The following ATP6V0D2 variants were observed in gnomAD, a reference collection of about 807,000 sequenced individuals.
ATP6V0D2 encodes V-type proton ATPase subunit d 2.
Under a neutral mutation model 40.0 loss-of-function variants are expected in ATP6V0D2, and 40 were observed. That is an observed-to-expected ratio of 1.00 (90% CI 0.78 to 1.30). The LOEUF (loss-of-function observed/expected upper bound fraction) is 1.30, where lower values mean the gene tolerates loss of function less well. ATP6V0D2 is among the 50% of genes most tolerant of loss of function. ATP6V0D2 has a pLI of 0.00. For synonymous variants in ATP6V0D2, 179 were observed against 156.3 expected (o/e 1.15, Z -1.08); for missense variants, 470 against 423.1 (o/e 1.11, Z -0.97).
chr8:86,145,181 A>AAAGAAAGAAAGAAAG (rs1819031651), intron 5 of ATP6V0D2, among the ~76,000 whole-genome samples: 3 of 13,206 alleles, frequency 2.3e-4, no homozygotes, highest in African/African-American at 6.2e-4. Flanking sequence ...AGAGAAAGAG[A>AAAGAAAGAAAGAAAG]GAAAGAAAGA....
chr8:86,108,164 C>A (rs4960954), intron 1 of ATP6V0D2, among the ~76,000 whole-genome samples: 69,396 of 151,966 alleles, frequency 0.46, 16,044 homozygotes, highest in East Asian at 0.5. Context: ...TTTTTTGAGA[C>A]AGGATCTCAC....
intron 5 of ATP6V0D2, among the ~76,000 whole-genome samples, chr8:86,145,171 A>G (rs1819030434): frequency 1.6e-5 from 1 of 60,730 alleles, no homozygotes; most frequent in Non-Finnish European, 3.8e-5. Context: ...AGAAAGAAAG[A>G]GAGAAAGAGA....
intron 2 of ATP6V0D2, among the ~76,000 whole-genome samples, chr8:86,119,098 C>T (rs1818633495): frequency 1.3e-5 from 2 of 152,074 alleles, no homozygotes; most frequent in African/African-American, 2.4e-5. Context: ...GATTGGGAAA[C>T]AAATCTCATA....
rs866743429 is a variant in ATP6V0D2, at chr8:86,119,793, G to A, written c.302+5913G>A. 2.6e-5 allele frequency among the ~76,000 whole-genome samples: 4 copies of A among 152,226 alleles called. 1 individual carries two copies. Among genetic ancestry groups the A allele is most frequent in the Non-Finnish European group, 2.9e-5 (2 of 68,008 alleles). ...TGGTAGTATCAGTATTGTTACTAAA[G>A]GATATATTTTAATTTATCTACTCTT... On this transcript the variant is annotated intron_variant, in intron 2 of 7. Transcript: ENST00000285393.
At position 86,152,844 on chromosome 8, in the gene ATP6V0D2, G is replaced by A; in HGVS notation, c.920G>A (p.Arg307Lys). 6.2e-7 allele frequency: 1 copy of A among 1,601,676 alleles called. No homozygotes were observed. Residue 307 changes from arginine to lysine, a missense_variant, in exon 8 of 8, where the codon AGA (arginine) becomes AAA (lysine). By Grantham distance (26) the Arg-to-Lys change is conservative (BLOSUM62 2). Transcript: ENST00000285393. Reference sequence around the variant, plus strand: ...CAAATGAATGTGCTGGCATTCAACAGACAGTTCCACTACGGTGTGTTTTAT... The same window carrying A: ...CAAATGAATGTGCTGGCATTCAACAAACAGTTCCACTACGGTGTGTTTTAT... ...EVQMNVLAFN[R>K]QFHYGVFYAY...
chr8:86,130,682 A>C (rs1458937555), intron 2 of ATP6V0D2, among the ~76,000 whole-genome samples: 2 of 152,002 alleles, frequency 1.3e-5, no homozygotes, highest in African/African-American at 4.8e-5. Flanking sequence ...CTCATCAAAT[A>C]CCATTGCAAA....
intron 2 of ATP6V0D2, among the ~76,000 whole-genome samples, chr8:86,134,768 A>C (rs1016275064): frequency 6.6e-6 from 1 of 152,172 alleles, no homozygotes; most frequent in African/African-American, 2.4e-5. Context: ...CTAGAAAAAA[A>C]CCACAAATGT....
intron 5 of ATP6V0D2, among the ~76,000 whole-genome samples, chr8:86,143,926 G>A (rs1201135740): frequency 3.3e-5 from 5 of 152,064 alleles, no homozygotes; most frequent in Admixed American, 6.6e-5. Context: ...GGCATCAAAA[G>A]TCCACTATAG....
intron 5 of ATP6V0D2, among the ~76,000 whole-genome samples, chr8:86,144,626 A>G (rs1819022031): frequency 6.6e-6 from 1 of 152,172 alleles, no homozygotes; most frequent in African/African-American, 2.4e-5. Context: ...AAAGTTTTAT[A>G]GTTGAAGATA....
chr8:86,146,348 A>G (rs11781321), intron 5 of ATP6V0D2, among the ~76,000 whole-genome samples: 36,917 of 152,098 alleles, frequency 0.24, 5,964 homozygotes, highest in African/African-American at 0.46. Context: ...TACTTTTCCA[A>G]TCTTCATGGT....
At chr8:86,119,913 TA>T (rs1818646760) in intron 2 of ATP6V0D2, among the ~76,000 whole-genome samples, 1 of 152,224 alleles carries the variant, frequency 6.6e-6, no homozygotes, top group Non-Finnish European at 1.5e-5. Flanking sequence ...TGAATCAATA[TA>T]GAATCCTGCA....
At chr8:86,144,232 G>C (rs1476345254) in intron 5 of ATP6V0D2, among the ~76,000 whole-genome samples, 2 of 152,148 alleles carry the variant, frequency 1.3e-5, no homozygotes, top group Non-Finnish European at 1.5e-5. Context: ...GATTTGTGGG[G>C]CATCCTGCAC....
chr8:86,152,796 T>C lies in ATP6V0D2; in HGVS notation c.892-20T>C. The C allele has an allele frequency of 6.3e-7, 1 of 1,583,604 alleles. No individual in the cohort carries two copies. The highest frequency in any genetic ancestry group is 2.3e-5 in the East Asian group (1 of 44,256). On this transcript the variant is annotated intron_variant, in intron 7 of 7. Transcript: ENST00000285393. ...TTCCAAATAAGTTGATGATCTGTGTTACTTTTTTTCTTTCCTCAGGTACAA... is the reference window on the plus strand; with the variant it reads ...TTCCAAATAAGTTGATGATCTGTGTCACTTTTTTTCTTTCCTCAGGTACAA...
At chr8:86,143,040 T>A in intron 5 of ATP6V0D2, 86 bp downstream of exon 5, 3 of 897,390 alleles carry the variant, frequency 3.3e-6, no homozygotes, top group Non-Finnish European at 3.4e-6. Context: ...TTTCCTTATC[T>A]TTGAATTTTT....
intron 1 of ATP6V0D2, among the ~76,000 whole-genome samples, chr8:86,100,699 G>A (rs148968579): frequency 2.6e-5 from 4 of 152,228 alleles, no homozygotes; most frequent in East Asian, 3.9e-4. Context: ...CGTCGGTCAC[G>A]TATAGAAAAT....
At chr8:86,100,249 G>T (rs796143635) in intron 1 of ATP6V0D2, among the ~76,000 whole-genome samples, 1 of 151,384 alleles carries the variant, frequency 6.6e-6, no homozygotes, top group Non-Finnish European at 1.5e-5. Flanking sequence ...AAGATTCCAC[G>T]TCTGTAACAG....
chr8:86,105,587 C>G (rs534220853), intron 1 of ATP6V0D2, among the ~76,000 whole-genome samples: 1 of 149,732 alleles, frequency 6.7e-6, no homozygotes, highest in African/African-American at 2.5e-5. Flanking sequence ...TGTAAGCCAG[C>G]GAGTGCCTAG....
rs971866291 is a variant in ATP6V0D2, at chr8:86,104,877, ACAT to A, written c.130+5772_130+5774del. Among the ~76,000 whole-genome samples the A allele has an allele frequency of 5.9e-5, 9 of 151,932 alleles. No individual in the cohort carries two copies. The South Asian group carries it at 1.5e-3, about 25-fold the overall frequency. On this transcript the variant is annotated intron_variant, in intron 1 of 7. Coordinates refer to ENST00000285393, the MANE Select transcript of ATP6V0D2 (RefSeq NM_152565.1). Reference sequence around the variant, plus strand: ...CACACACACACACACACACACACACACATCAAGAGCTTCCATCAGGCAAGATAA... The same window carrying A: ...CACACACACACACACACACACACACACAAGAGCTTCCATCAGGCAAGATAA...
chr8:86,125,582 G>A (rs1017470527), intron 2 of ATP6V0D2, among the ~76,000 whole-genome samples: 1 of 152,164 alleles, frequency 6.6e-6, no homozygotes, highest in Non-Finnish European at 1.5e-5. Context: ...ACCCTATGGA[G>A]TGGTACTAGT....
Sources: gnomAD v4.1 joint callset for allele counts (sites outside exome capture counted in the v4.1 genomes callset) on GRCh38, gnomAD v4.1.1 for gene constraint, MANE v1.5 for transcripts, NCBI Gene and HGNC (gene_info 2026-07-23, HGNC 2026-07-21) for gene names.